B4GALT5: variants seen among roughly 807,000 people sequenced by gnomAD.
B4GALT5 encodes UDP-Gal:beta-GlcNAc beta-1,4-galactosyltransferase 5.
In B4GALT5, 11 loss-of-function variants were observed where a neutral mutation model predicts 45.0. That is an observed-to-expected ratio of 0.24 (90% CI 0.15 to 0.40). The LOEUF is 0.40. Among genes scored for constraint, B4GALT5 ranks in the 10% least tolerant of loss-of-function variants. The pLI is 1.00. For missense variants in B4GALT5, 337 were observed against 500.2 expected, an observed-to-expected ratio of 0.67 and a Z score of 3.11; for synonymous variants, 185 against 182.9, an observed-to-expected ratio of 1.01 and a Z score of -0.09.
rs527537331 is a variant in B4GALT5 at position 49,693,861 on chromosome 20, G to A, written c.115+19715C>T. Among the ~76,000 whole-genome samples, 100 of 152,102 alleles carry A rather than the reference G, an allele frequency of 6.6e-4. 1 individual carries two copies. Among genetic ancestry groups the A allele is most frequent in the Non-Finnish European group, 6.0e-4 (41 of 68,030 alleles). On this transcript the variant is annotated intron_variant, in intron 1 of 8. Coordinates refer to ENST00000371711, the MANE Select transcript of B4GALT5 (RefSeq NM_004776.4). ...CTCTTTGCATAAGGGGTAGCCTCAG[G>A]GGAGGTTCCCCAATCCCAGAAAGTG...
intron 1 of B4GALT5, among the ~76,000 whole-genome samples, chr20:49,676,602 CG>C (rs1025797927): frequency 9.2e-5 from 14 of 152,226 alleles, no homozygotes; most frequent in African/African-American, 3.1e-4. Context: ...CTCTTCCTTC[CG>C]TAAGAAGGCC....
In B4GALT5 at chr20:49,639,669, C is replaced by G; in HGVS notation, c.917+9G>C. On this transcript the variant is annotated intron_variant, in intron 7 of 8. Transcript: ENST00000371711. Reference sequence around the variant, plus strand: ...TTTCTAGAAGACACCGAAAGAACGGCAGAGGTACCTGTTCCAGAGGTCGTC... The same window carrying G: ...TTTCTAGAAGACACCGAAAGAACGGGAGAGGTACCTGTTCCAGAGGTCGTC... 6.2e-7 allele frequency: 1 copy of G among 1,613,024 alleles called. No homozygotes were observed. Among genetic ancestry groups the G allele is most frequent in the Non-Finnish European group, 8.5e-7 (1 of 1,179,224 alleles).
chr20:49,645,244 T>C (rs753690972), intron 3 of B4GALT5, among the ~76,000 whole-genome samples: 2 of 151,790 alleles, frequency 1.3e-5, no homozygotes, highest in Non-Finnish European at 2.9e-5. Flanking sequence ...AGGTTTATAC[T>C]AAAAAGACAA....
At chr20:49,712,870 C>A (rs2085922532) in intron 1 of B4GALT5, among the ~76,000 whole-genome samples, 1 of 124,576 alleles carries the variant, frequency 8.0e-6, no homozygotes, top group Admixed American at 8.1e-5. Flanking sequence ...AGGCATGGGA[C>A]GCTCAGGGGA....
intron 1 of B4GALT5, among the ~76,000 whole-genome samples, chr20:49,700,128 T>C (rs529589544): frequency 6.6e-6 from 1 of 152,218 alleles, no homozygotes; most frequent in South Asian, 2.1e-4. Flanking sequence ...GCCCTCAAAA[T>C]CATCTTAGGA....
intron 1 of B4GALT5, among the ~76,000 whole-genome samples, chr20:49,683,861 C>G (rs544954097): frequency 7.2e-5 from 11 of 152,088 alleles, no homozygotes; most frequent in African/African-American, 2.7e-4. Context: ...AAGACTGCAG[C>G]CAGGCACGGT....
intron 1 of B4GALT5, among the ~76,000 whole-genome samples, chr20:49,676,671 C>A (rs1157694102): frequency 1.3e-5 from 2 of 152,222 alleles, no homozygotes; most frequent in Non-Finnish European, 2.9e-5. Flanking sequence ...AGGACTAGAG[C>A]AGATGCGTAC....
intron 1 of B4GALT5, among the ~76,000 whole-genome samples, chr20:49,673,722 T>C (rs2085725427): frequency 6.6e-6 from 1 of 152,168 alleles, no homozygotes; most frequent in Non-Finnish European, 1.5e-5. Flanking sequence ...GTACTTTGAT[T>C]AAACAGGAGA....
chr20:49,641,613 GCTCAGCTTTTTTCTCA>G (rs1297611871), intron 5 of B4GALT5, among the ~76,000 whole-genome samples: 1 of 152,172 alleles, frequency 6.6e-6, no homozygotes, highest in Admixed American at 6.5e-5. Flanking sequence ...GAACAGTGGT[GCTCAGCTTTTTTCTCA>G]CTCCAGTATA....
chr20:49,669,850 T>C (rs59371799), intron 1 of B4GALT5, among the ~76,000 whole-genome samples: 3,723 of 151,534 alleles, frequency 0.025, 163 homozygotes, highest in African/African-American at 0.085. Flanking sequence ...AAACTGATAC[T>C]TCACCAACTG....
At chr20:49,688,520 T>C in intron 1 of B4GALT5, among the ~76,000 whole-genome samples, 1 of 152,208 alleles carries the variant, frequency 6.6e-6, no homozygotes, top group East Asian at 1.9e-4. Flanking sequence ...GCCCCCATTC[T>C]ATTTGCCTAG....
At chr20:49,708,171 G>C (rs1220908548) in intron 1 of B4GALT5, among the ~76,000 whole-genome samples, 1 of 152,050 alleles carries the variant, frequency 6.6e-6, no homozygotes, top group Non-Finnish European at 1.5e-5. Context: ...CTTGAACCCA[G>C]GAGGCAGAGG....
chr20:49,650,650 A>G (rs2085618550), intron 2 of B4GALT5, among the ~76,000 whole-genome samples: 1 of 152,074 alleles, frequency 6.6e-6, no homozygotes, highest in Non-Finnish European at 1.5e-5. Context: ...ACAAACAAAC[A>G]AACAAAGTCT....
chr20:49,682,090 T>C (rs1288690682), intron 1 of B4GALT5, among the ~76,000 whole-genome samples: 1 of 152,126 alleles, frequency 6.6e-6, no homozygotes, highest in African/African-American at 2.4e-5. Flanking sequence ...AGCCAGACCC[T>C]GTCTCAAAAA....
intron 1 of B4GALT5, among the ~76,000 whole-genome samples, chr20:49,707,237 C>T (rs2085888098): frequency 6.6e-6 from 1 of 152,126 alleles, no homozygotes; most frequent in Admixed American, 6.5e-5. Flanking sequence ...TAAAACATCA[C>T]CAAAGTCCTG....
chr20:49,642,885 TAAAACAA>T (rs1352176726), intron 4 of B4GALT5, among the ~76,000 whole-genome samples: 1 of 152,220 alleles, frequency 6.6e-6, no homozygotes, highest in African/African-American at 2.4e-5. Flanking sequence ...AACTTACAAT[TAAAACAA>T]GCTTCACAAA....
chr20:49,705,120 A>C (rs1191709112), intron 1 of B4GALT5, among the ~76,000 whole-genome samples: 2 of 152,228 alleles, frequency 1.3e-5, no homozygotes, highest in Non-Finnish European at 2.9e-5. Context: ...TCAGTATAAA[A>C]GGCACCATAT....
In B4GALT5 at chr20:49,636,450, C is replaced by G. The variant is rs761054169; in HGVS notation, c.1029G>C (p.Leu343=). ...CTTGCCGTTCTTTTGACTTCCTCAG[C>G]AGAGCATACCTGTTTAGGGAGGGAA... The part of the protein sequence containing the change: ...GEVQFLGRYA[L]LRKSKERQGL... Residue 343 remains leucine, a synonymous_variant, in exon 9 of 9, where the codon CTG becomes CTC. Coordinates refer to ENST00000371711, the MANE Select transcript of B4GALT5 (RefSeq NM_004776.4). 1 of 1,614,138 alleles carries G rather than the reference C, an allele frequency of 6.2e-7. No homozygotes were observed. The highest frequency in any genetic ancestry group is 1.7e-5 in the Admixed American group (1 of 60,020).
chr20:49,707,202 T>C (rs1192357256), intron 1 of B4GALT5, among the ~76,000 whole-genome samples: 2 of 152,140 alleles, frequency 1.3e-5, no homozygotes, highest in Admixed American at 6.5e-5. Flanking sequence ...GCTTCCAATA[T>C]AGCAAAAACT....
Sources: allele counts gnomAD v4.1 joint callset (sites outside exome capture counted in the v4.1 genomes callset), GRCh38; gene constraint gnomAD v4.1.1; transcripts MANE v1.5; gene names NCBI Gene and HGNC (gene_info 2026-07-23, HGNC 2026-07-21).